The following RPS6KA6 variants were observed in gnomAD, a reference collection of about 807,000 sequenced individuals.
The protein encoded by RPS6KA6 is ribosomal protein S6 kinase alpha-6.
In RPS6KA6, 27 loss-of-function variants were observed where a neutral mutation model predicts 65.4. That is an observed-to-expected ratio of 0.41 (90% CI 0.30 to 0.57). The LOEUF (loss-of-function observed/expected upper bound fraction) is 0.57, where lower values mean the gene tolerates loss of function less well. RPS6KA6 is among the 20% of genes least tolerant of loss of function. The pLI, the probability that RPS6KA6 is intolerant of heterozygous loss-of-function variation, is 0.24. For missense variants in RPS6KA6, 486 were observed against 555.6 expected, an observed-to-expected ratio of 0.87 and a Z score of 1.26; for synonymous variants, 190 against 184.2, an observed-to-expected ratio of 1.03 and a Z score of -0.26.
chrX:84,117,699 C>T lies in RPS6KA6; in HGVS notation c.790-245G>A, dbSNP rs189154054. On this transcript the variant is annotated intron_variant, in intron 9 of 21. Transcript: ENST00000262752. ...TAGCAGATGAAACCAACCAATTCTT[C>T]CTCAGTTCTAATTCGGCTATGTTCT... Among the ~76,000 whole-genome samples, 11 of 111,284 alleles carry T rather than the reference C, an allele frequency of 9.9e-5. No individual in the cohort carries two copies. The East Asian group carries it at 3.1e-3, about 32-fold the overall frequency.
rs756585996 is a variant in RPS6KA6 at position 84,135,628 on chromosome X, C to T, written c.502-418G>A. On this transcript the variant is annotated intron_variant, in intron 6 of 21. Coordinates refer to ENST00000262752, the MANE Select transcript of RPS6KA6 (RefSeq NM_014496.5). ...TTATTTTGTTTTAGCTCTGAGAATT[C>T]CACTATTTATACCATTCTCTCTTTT... is the stretch of plus-strand genomic sequence containing the variant. Among the ~76,000 whole-genome samples the T allele has an allele frequency of 4.6e-4, 51 of 111,084 alleles. 1 individual carries two copies. Among genetic ancestry groups the T allele is most frequent in the Non-Finnish European group, 8.3e-4 (44 of 52,807 alleles).
chrX:84,106,876 C>A, intron 14 of RPS6KA6, 34 bp downstream of exon 14: 4 of 1,085,855 alleles, frequency 3.7e-6, no homozygotes, highest in South Asian at 2.3e-5. Context: ...AATAATTATC[C>A]CAAAACTGAA....
chrX:84,168,734 T>G (rs1322188395), intron 1 of RPS6KA6, among the ~76,000 whole-genome samples: 1 of 112,064 alleles, frequency 8.9e-6, no homozygotes, highest in Non-Finnish European at 1.9e-5. Flanking sequence ...TACTTCCTAT[T>G]CATATCATCT....
At chrX:84,121,528 TCC>T (rs2034671222) in intron 8 of RPS6KA6, among the ~76,000 whole-genome samples, 1 of 112,237 alleles carries the variant, frequency 8.9e-6, no homozygotes, top group Non-Finnish European at 1.9e-5. Context: ...TGCCTCCTTT[TCC>T]CCATAAGTTC....
At chrX:84,075,354 C>A (rs1241505100) in intron 20 of RPS6KA6, among the ~76,000 whole-genome samples, 2 of 111,498 alleles carry the variant, frequency 1.8e-5, no homozygotes, top group Non-Finnish European at 3.8e-5. Context: ...CAAAAAGAAA[C>A]ACGAGAGTAT....
At chrX:84,150,910 G>GAGAGGATATATATAGGATATATATAT (rs1569235489) in intron 3 of RPS6KA6, among the ~76,000 whole-genome samples, 2 of 81,316 alleles carry the variant, frequency 2.5e-5, no homozygotes, top group South Asian at 6.1e-4. Context: ...AGGATATATA[G>GAGAGGATATATATAGGATATATATAT]AGAGGATATA....
intron 8 of RPS6KA6, among the ~76,000 whole-genome samples, chrX:84,125,584 G>A (rs6622923): frequency 0.051 from 5,732 of 111,543 alleles, 199 homozygotes; most frequent in East Asian, 0.21. Flanking sequence ...GCTGGGTGTG[G>A]TGGATCATGC....
At chrX:84,130,322 G>A (rs1602439009) in intron 8 of RPS6KA6, among the ~76,000 whole-genome samples, 1 of 111,198 alleles carries the variant, frequency 9.0e-6, no homozygotes, top group Non-Finnish European at 1.9e-5. Flanking sequence ...TCTACCTAAT[G>A]CCTATTAGAA....
Position 84,117,403 on chromosome X carries a change from T to C in RPS6KA6, c.841A>G (p.Thr281Ala). The C allele has an allele frequency of 8.7e-7, 1 of 1,150,358 alleles. No individual in the cohort carries two copies. The allele number at this position is 1,150,358 out of a possible 1,213,427, so 94.8% of individuals were successfully genotyped here. A position where few individuals can be genotyped will look rare whatever the true frequency, so the allele number is the denominator to read the frequency against. The change falls in exon 10 of 22, where the codon ACC becomes GCC. Residue 281 changes from threonine (T) to alanine (A), a missense_variant. Thr to Ala is a moderately conservative substitution (Grantham distance 58). Around this residue, in one of 3 missense-constraint regions of RPS6KA6, gnomAD observed 345 missense variants for 375.0 expected, o/e 0.92. Transcript: ENST00000262752. ...LPFQGKDRNETMNMILKAKLG... is the reference protein window; with the variant it reads ...LPFQGKDRNEAMNMILKAKLG... ...ACTTACTTTAATATCATATTCATGG[T>C]CTCATTTCTGTCTTTACCTTGAAAT...
intron 2 of RPS6KA6, among the ~76,000 whole-genome samples, chrX:84,157,230 G>T (rs1032753869): frequency 6.3e-4 from 70 of 111,098 alleles, no homozygotes; most frequent in African/African-American, 2.2e-3. Context: ...TATCTCAAGG[G>T]GGGTACCTAG....
intron 6 of RPS6KA6, among the ~76,000 whole-genome samples, chrX:84,137,420 T>C (rs1166166546): frequency 1.8e-5 from 2 of 112,122 alleles, no homozygotes; most frequent in Non-Finnish European, 3.8e-5. Context: ...AATATGCATA[T>C]GTACATCTTA....
At chrX:84,119,623 C>A (rs1297350396) in intron 9 of RPS6KA6, among the ~76,000 whole-genome samples, 2 of 111,096 alleles carry the variant, frequency 1.8e-5, no homozygotes, top group Non-Finnish European at 3.8e-5. Flanking sequence ...ATCTGACAGA[C>A]CTTTTCATAA....
intron 20 of RPS6KA6, among the ~76,000 whole-genome samples, chrX:84,078,726 A>T (rs2033717518): frequency 1.8e-5 from 2 of 111,741 alleles, no homozygotes; most frequent in South Asian, 7.4e-4. Flanking sequence ...AAATATACAA[A>T]CCCGTAGTGG....
chrX:84,170,556 G>A (rs1002995121), intron 1 of RPS6KA6, among the ~76,000 whole-genome samples: 11 of 111,363 alleles, frequency 9.9e-5, no homozygotes, highest in African/African-American at 3.6e-4. Context: ...CTTGAACCCA[G>A]GAGGTGGAGG....
chrX:84,088,667 TGGG>T (rs762892550), intron 20 of RPS6KA6, among the ~76,000 whole-genome samples: 16 of 111,957 alleles, frequency 1.4e-4, no homozygotes, highest in Non-Finnish European at 2.3e-4. Context: ...TGTGCTGCAT[TGGG>T]GGAACCCTTC....
At chrX:84,175,225 C>T (rs1302740773) in intron 1 of RPS6KA6, among the ~76,000 whole-genome samples, 2 of 111,224 alleles carry the variant, frequency 1.8e-5, no homozygotes, top group Non-Finnish European at 3.8e-5. Context: ...CCTCAGTATA[C>T]GTGGGAGATT....
chrX:84,187,990 G>A lies in RPS6KA6; in HGVS notation c.-91C>T, dbSNP rs1434707970. 11 of 597,132 alleles carry A rather than the reference G, an allele frequency of 1.8e-5. No individual in the cohort carries two copies. The highest frequency in any genetic ancestry group is 2.5e-5 in the Non-Finnish European group (11 of 446,735). The allele number at this position is 597,132 out of a possible 1,213,427, so 49.2% of individuals were successfully genotyped here. ...ATTGAACTGGCCCGCCGCCGCCGCC[G>A]CCGCCGCCGCCGCCGCCGCGACCCC... On this transcript the variant is annotated 5_prime_UTR_variant, in exon 1 of 22. Transcript: ENST00000262752.
At chrX:84,145,721 T>G (rs1446996080) in intron 5 of RPS6KA6, among the ~76,000 whole-genome samples, 164 bp from the exon 6 acceptor site, 3 of 111,175 alleles carry the variant, frequency 2.7e-5, no homozygotes, top group East Asian at 5.6e-4. Context: ...AGTGTAGAAA[T>G]AGCTATAAAC....
rs192296033 is a variant in RPS6KA6 at position 84,162,368 on chromosome X, C to A, written c.141+1960G>T. 1.1e-4 allele frequency among the ~76,000 whole-genome samples: 12 copies of A among 111,475 alleles called. No individual in the cohort carries two copies. The East Asian group carries it at 1.7e-3, about 16-fold the overall frequency. On this transcript the variant is annotated intron_variant, in intron 2 of 21. Coordinates refer to ENST00000262752, the MANE Select transcript of RPS6KA6 (RefSeq NM_014496.5). ...TAGTTTTATTGACACAAATTGAGTA[C>A]TTTAACCATCACACACCCAAAGTAC...
Sources: gnomAD v4.1 joint callset for allele counts (sites outside exome capture counted in the v4.1 genomes callset) on GRCh38, gnomAD v4.1.1 for gene constraint, gnomAD v4.1.1 regional missense constraint, MANE v1.5 for transcripts, NCBI Gene and HGNC (gene_info 2026-07-23, HGNC 2026-07-21) for gene names.